ROBO1: variants seen among roughly 807,000 people sequenced by gnomAD.
The protein encoded by ROBO1 is roundabout homolog 1.
In ROBO1, 149 loss-of-function variants were observed where a neutral mutation model predicts 195.9. The observed-to-expected ratio is 0.76, with a 90% CI of 0.67 to 0.87. ROBO1 has a LOEUF of 0.87. ROBO1 is among the 40% of genes least tolerant of loss of function. The pLI is 0.00. For synonymous variants in ROBO1, 816 were observed against 733.2 expected, an observed-to-expected ratio of 1.11 and a Z score of -1.82; for missense variants, 1,933 against 2,068.3, an observed-to-expected ratio of 0.93 and a Z score of 1.27.
chr3:79,128,541 G>A (rs1368850500), intron 2 of ROBO1, among the ~76,000 whole-genome samples: 1 of 152,166 alleles, frequency 6.6e-6, no homozygotes, highest in Non-Finnish European at 1.5e-5. Context: ...TCTATGCAAA[G>A]CGGGGATAAA....
intron 2 of ROBO1, among the ~76,000 whole-genome samples, chr3:79,199,604 A>AT (rs113303436): frequency 0.032 from 4,741 of 148,096 alleles, 130 homozygotes; most frequent in African/African-American, 0.078. Context: ...CCCAATTACC[A>AT]TTTTTTTTTT....
chr3:78,872,624 T>C (rs755504279), intron 4 of ROBO1, among the ~76,000 whole-genome samples: 7 of 152,272 alleles, frequency 4.6e-5, no homozygotes, highest in Non-Finnish European at 1.5e-5. Context: ...GAAGAAGAAA[T>C]TCTGTTTAGT....
chr3:79,601,876 G>A (rs1944349631), intron 1 of ROBO1, among the ~76,000 whole-genome samples: 1 of 151,916 alleles, frequency 6.6e-6, no homozygotes, highest in Admixed American at 6.6e-5. Context: ...TATTGGGAGA[G>A]TAGTCACAGG....
chr3:78,712,039 A>C lies in ROBO1; in HGVS notation c.1045+2358T>G, dbSNP rs200421463. On this transcript the variant is annotated intron_variant, in intron 8 of 30. Transcript: ENST00000464233. ...TGGCAAAAAAAAAAAAAAAAAAAAA[A>C]AAAAAAAAAAACTCTCAAATCAGGG... Among the ~76,000 whole-genome samples the C allele has an allele frequency of 1.6e-4, 19 of 122,568 alleles. 1 individual carries two copies. The South Asian group carries it at 1.7e-3, about 11-fold the overall frequency. The allele number at this position is 122,568 out of a possible 152,430, so 80.4% of individuals were successfully genotyped here. A position where few individuals can be genotyped will look rare whatever the true frequency, so the allele number is the denominator to read the frequency against.
chr3:79,145,592 G>A (rs1410083254), intron 2 of ROBO1, among the ~76,000 whole-genome samples: 2 of 151,846 alleles, frequency 1.3e-5, no homozygotes, highest in Non-Finnish European at 2.9e-5. Context: ...AATTGATTAT[G>A]AAGCTACCAC....
chr3:78,978,254 G>A (rs111597551), intron 3 of ROBO1, among the ~76,000 whole-genome samples: 1 of 151,882 alleles, frequency 6.6e-6, no homozygotes, highest in Non-Finnish European at 1.5e-5. Flanking sequence ...CCAAGGTAGT[G>A]GGGGGATGGA....
intron 4 of ROBO1, among the ~76,000 whole-genome samples, chr3:78,843,292 A>G (rs999756859): frequency 2.0e-5 from 3 of 152,144 alleles, no homozygotes; most frequent in Non-Finnish European, 4.4e-5. Context: ...CTCAAAATCA[A>G]TACCTCCTTC....
intron 3 of ROBO1, among the ~76,000 whole-genome samples, chr3:79,071,734 A>G (rs1029562732): frequency 0.018 from 2,617 of 147,654 alleles, 34 homozygotes; most frequent in South Asian, 0.04. Context: ...GCACACACAC[A>G]CACACGCACA....
At chr3:79,725,904 T>TA (rs34114066) in intron 1 of ROBO1, among the ~76,000 whole-genome samples, 21,179 of 147,184 alleles carry the variant, frequency 0.14, 1,822 homozygotes, top group Middle Eastern at 0.2. Flanking sequence ...TACAGACACT[T>TA]AAAAAAAAAA....
intron 2 of ROBO1, among the ~76,000 whole-genome samples, chr3:79,313,351 G>A (rs1385887250): frequency 6.6e-6 from 1 of 152,078 alleles, no homozygotes; most frequent in Non-Finnish European, 1.5e-5. Context: ...AGATTTAAAA[G>A]CCCCATCCTA....
intron 19 of ROBO1, among the ~76,000 whole-genome samples, chr3:78,649,468 T>C (rs1706512139): frequency 6.6e-6 from 1 of 152,166 alleles, no homozygotes; most frequent in Admixed American, 6.6e-5. Context: ...GTCACACCGA[T>C]AGCTAAATGT....
intron 2 of ROBO1, among the ~76,000 whole-genome samples, chr3:79,532,608 T>C (rs1432104689): frequency 3.4e-5 from 5 of 146,508 alleles, no homozygotes; most frequent in Non-Finnish European, 6.0e-5. Context: ...ATATTTAAAC[T>C]ACTGATCTTT....
At chr3:78,693,354 C>T (rs1334382116) in intron 8 of ROBO1, 2 of 1,544,622 alleles carry the variant, frequency 1.3e-6, no homozygotes, top group Admixed American at 4.0e-5. Context: ...TTACCAGACC[C>T]AACTAAAACA....
rs1488593455 is a variant in ROBO1 at position 78,960,533 on chromosome 3, C to T, written c.173-21606G>A. Among the ~76,000 whole-genome samples, 8 of 152,060 alleles carry T rather than the reference C, an allele frequency of 5.3e-5. No individual in the cohort carries two copies. In the South Asian group the frequency reaches 1.5e-3, roughly 28 times the overall value. On this transcript the variant is annotated intron_variant, in intron 3 of 30. Coordinates refer to ENST00000464233, the MANE Select transcript of ROBO1 (RefSeq NM_002941.4). Reference sequence around the variant, plus strand: ...TGGTGGCTCACACCTGTAATCGCAGCACTTTGGGAGGCCAAGGCAGGTGAA... The same window carrying T: ...TGGTGGCTCACACCTGTAATCGCAGTACTTTGGGAGGCCAAGGCAGGTGAA...
chr3:79,596,266 A>G (rs1417882984), intron 1 of ROBO1, among the ~76,000 whole-genome samples: 2 of 152,192 alleles, frequency 1.3e-5, no homozygotes, highest in East Asian at 1.9e-4. Context: ...GACAGGGGAA[A>G]GTCAAATATG....
chr3:79,585,312 G>A (rs1033499164), intron 2 of ROBO1, among the ~76,000 whole-genome samples: 36 of 151,972 alleles, frequency 2.4e-4, no homozygotes, highest in South Asian at 1.5e-3. Flanking sequence ...AATTTAGGGG[G>A]AATTGTACCC....
intron 8 of ROBO1, among the ~76,000 whole-genome samples, chr3:78,713,930 A>T (rs2081831919): frequency 6.6e-6 from 1 of 152,248 alleles, no homozygotes; most frequent in Non-Finnish European, 1.5e-5. Context: ...TAAATCCTAC[A>T]TTCTGAAGAG....
In ROBO1 at chr3:78,714,393, C is replaced by T; in HGVS notation, c.1045+4G>A. ...ACCAAAACAAAGCCTTTCCCAATGC[C>T]TACCTTGAACAGTCAGAGTAGCAGA... is the stretch of plus-strand genomic sequence containing the variant. On this transcript the variant is annotated splice_donor_region_variant and intron_variant, in intron 8 of 30. Transcript: ENST00000464233. 6.2e-7 allele frequency: 1 copy of T among 1,606,942 alleles called. No individual in the cohort carries two copies. The highest frequency in any genetic ancestry group is 8.5e-7 in the Non-Finnish European group (1 of 1,177,504).
chr3:79,226,745 G>T (rs1415944248), intron 2 of ROBO1, among the ~76,000 whole-genome samples: 1 of 151,620 alleles, frequency 6.6e-6, no homozygotes, highest in Non-Finnish European at 1.5e-5. Flanking sequence ...TAAGGTCTCC[G>T]TATGTTGCCC....
Sources: gnomAD v4.1 joint callset for allele counts (sites outside exome capture counted in the v4.1 genomes callset) on GRCh38, gnomAD v4.1.1 for gene constraint, MANE v1.5 for transcripts, NCBI Gene and HGNC (gene_info 2026-07-23, HGNC 2026-07-21) for gene names.